The following AMPD2 variants were observed in gnomAD, a reference collection of about 807,000 sequenced individuals.
AMPD2 encodes adenosine monophosphate deaminase 2.
In AMPD2, 52 loss-of-function variants were observed where a neutral mutation model predicts 91.3. That is an observed-to-expected ratio of 0.57 (90% CI 0.46 to 0.72). The LOEUF is 0.72. AMPD2 is among the 30% of genes least tolerant of loss of function. The probability of loss-of-function intolerance (pLI) is 0.00; values close to 1 mark genes in which losing one functional copy is unlikely to be tolerated. For synonymous variants in AMPD2, 455 were observed against 456.4 expected (o/e 1.00, Z 0.04); for missense variants, 822 against 1,122.3 (o/e 0.73, Z 3.82).
rs1404251510 is a variant in AMPD2, at chr1:109,630,784, C to T, written c.2259C>T (p.Phe753=). The change falls in exon 18 of 19, where the codon TTC becomes TTT. Residue 753 remains phenylalanine (F), a synonymous_variant. Transcript: ENST00000528667. The stretch of plus-strand genomic sequence containing the variant: ...GCAACAGCGTGCTCATGAGCGGCTT[C>T]TCGCACAAGGTACTACAGCGCCTGC... ...LARNSVLMSG[F]SHKVKSHWLG... is the part of the protein sequence containing the mutation. The T allele has an allele frequency of 4.4e-6, 7 of 1,608,230 alleles. No individual in the cohort carries two copies. The highest frequency in any genetic ancestry group is 1.3e-5 in the African/African-American group (1 of 74,780).
chr1:109,621,420 AAGGT>A, intron 2 of AMPD2, 154 bp downstream of exon 2: 1 of 433,832 alleles, frequency 2.3e-6, no homozygotes, highest in Non-Finnish European at 4.6e-6. Context: ...GCCGGCTTGG[AAGGT>A]GGGGTGAGGG....
At position 109,631,901 on chromosome 1, in the gene AMPD2, G is replaced by A. The variant is rs1203108721; in HGVS notation, c.*749G>A. On this transcript the variant is annotated 3_prime_UTR_variant, in exon 19 of 19. Transcript: ENST00000528667. ...GATCTGCCACTCAACCCCGGGAGTG[G>A]TGTTCCCAGTGTGGCTCCCAGAGCT... The A allele has an allele frequency of 6.5e-6, 1 of 153,738 alleles. No individual in the cohort carries two copies. The highest frequency in any genetic ancestry group is 1.4e-5 in the Non-Finnish European group (1 of 68,990). 9.5% of individuals were successfully genotyped at this position (153,738 alleles called of 1,614,324 possible). A position where few individuals can be genotyped will look rare whatever the true frequency, so the allele number is the denominator to read the frequency against.
At chr1:109,630,470 G>A in intron 17 of AMPD2, 64 bp downstream of exon 17, 1 of 1,251,510 alleles carries the variant, frequency 8.0e-7, no homozygotes, top group Non-Finnish European at 1.1e-6. Context: ...CCCGGGTTGG[G>A]TGGGGGGCGG....
intron 9 of AMPD2, 89 bp from the exon 10 acceptor site, chr1:109,627,685 C>T: frequency 6.4e-7 from 1 of 1,568,084 alleles, no homozygotes; most frequent in Admixed American, 1.7e-5. Context: ...CCTTACCCTC[C>T]CACCTGCTCC....
chr1:109,620,999 G>A lies in AMPD2; in HGVS notation c.-177G>A. 2 of 1,565,634 alleles carry A rather than the reference G, an allele frequency of 1.3e-6. No individual in the cohort carries two copies. The highest frequency in any genetic ancestry group is 8.7e-7 in the Non-Finnish European group (1 of 1,154,556). On this transcript the variant is annotated 5_prime_UTR_variant, in exon 2 of 19. Transcript: ENST00000528667. ...CAGAGATGGAGGCCCCACTCCCCGA[G>A]GTTGCCTAGACAACATGAGAAATCG...
At position 109,625,852 on chromosome 1, in the gene AMPD2, C is replaced by T; in HGVS notation, c.353+60C>T. The T allele has an allele frequency of 6.2e-7, 1 of 1,601,496 alleles. No homozygotes were observed. The highest frequency in any genetic ancestry group is 1.7e-5 in the Admixed American group (1 of 59,380). The stretch of plus-strand genomic sequence containing the variant: ...ATACCCTTCCAGACCCTTTCAGAGC[C>T]CCTTTTCTGCCTCTTTCCCTCGCAC... On this transcript the variant is annotated intron_variant, in intron 4 of 18. Coordinates refer to ENST00000528667, the MANE Select transcript of AMPD2 (RefSeq NM_001368809.2). This position sits in a 1 kb window ranked among gnomAD's most constrained non-coding sequence, Gnocchi z 4.0.
intron 1 of AMPD2, chr1:109,620,687 G>C: frequency 4.1e-6 from 5 of 1,209,616 alleles, no homozygotes; most frequent in Non-Finnish European, 5.2e-6. Flanking sequence ...TGCCTGCCCT[G>C]CCCCGGGAGG....
Position 109,629,109 on chromosome 1 carries a change from T to C in AMPD2, c.1572T>C (p.Phe524=). ...VRWLVQVPRL[F]DVYRTKGQLA... is the part of the protein sequence containing the mutation. ...TACCTGCATGTTGTCTCACCTGCAG[T>C]GATGTGTACCGTACCAAGGGCCAGC... The change falls in exon 14 of 19, where the codon TTT becomes TTC. Residue 524 remains phenylalanine, a splice_region_variant and synonymous_variant. Coordinates refer to ENST00000528667, the MANE Select transcript of AMPD2 (RefSeq NM_001368809.2). The C allele has an allele frequency of 6.2e-7, 1 of 1,613,694 alleles. No homozygotes were observed.
At chr1:109,629,589 C>T (rs1362793786) in intron 15 of AMPD2, 99 bp downstream of exon 15, 1 of 1,510,538 alleles carries the variant, frequency 6.6e-7, no homozygotes, top group Non-Finnish European at 9.0e-7. Flanking sequence ...TCTGACCCAC[C>T]TGTTGCCTGG....
intron 2 of AMPD2, chr1:109,622,387 G>A (rs1570577600): frequency 2.3e-6 from 1 of 439,530 alleles, no homozygotes; most frequent in South Asian, 1.6e-5. Context: ...GGTCAAAGCC[G>A]TGGACACCCC....
Position 109,626,435 on chromosome 1 carries a change from T to C in AMPD2, c.531+8T>C. ...GGGGAGGAGAAGTGTGGGGTAAGTA[T>C]GGGGTGTATGTTGGGTGAGTCGCCA... On this transcript the variant is annotated splice_region_variant and intron_variant, in intron 6 of 18. Coordinates refer to ENST00000528667, the MANE Select transcript of AMPD2 (RefSeq NM_001368809.2). 3 of 1,601,532 alleles carry C rather than the reference T, an allele frequency of 1.9e-6. No homozygotes were observed. In the African/African-American group the frequency reaches 4.0e-5, roughly 22 times the overall value.
intron 2 of AMPD2, 165 bp downstream of exon 2, chr1:109,621,431 A>AGGGGGGG: frequency 1.8e-5 from 2 of 113,360 alleles, no homozygotes. Flanking sequence ...AGGTGGGGTG[A>AGGGGGGG]GGGGTGGTGG....
chr1:109,630,586 G>A, intron 17 of AMPD2, 97 bp from the exon 18 acceptor site: 1 of 789,748 alleles, frequency 1.3e-6, no homozygotes, highest in Non-Finnish European at 1.9e-6. Context: ...GGGGGGATGG[G>A]GGGGCGGGGG....
chr1:109,627,931 A>G (rs760424230), intron 10 of AMPD2, 28 bp downstream of exon 10: 10 of 1,611,956 alleles, frequency 6.2e-6, no homozygotes, highest in Non-Finnish European at 8.5e-6. Flanking sequence ...GGCCGTCTCC[A>G]TGTCCTCATC....
At position 109,630,810 on chromosome 1, in the gene AMPD2, C is replaced by G. The variant is rs1489421329; in HGVS notation, c.2268+17C>G. 6.2e-7 allele frequency: 1 copy of G among 1,600,290 alleles called. No homozygotes were observed. Among genetic ancestry groups the G allele is most frequent in the African/African-American group, 1.3e-5 (1 of 74,604 alleles). On this transcript the variant is annotated intron_variant, in intron 18 of 18. Transcript: ENST00000528667. ...TCGCACAAGGTACTACAGCGCCTGC[C>G]TGGACCTTGGCATGGCATCACTCCT...
Position 109,630,760 on chromosome 1 carries a change from C to T in AMPD2, c.2235C>T (p.Arg745=), listed in dbSNP as rs576752906. 2 of 1,611,340 alleles carry T rather than the reference C, an allele frequency of 1.2e-6. No homozygotes were observed. The highest frequency in any genetic ancestry group is 2.2e-5 in the East Asian group (1 of 44,754). The part of the protein sequence containing the change: ...LSSCDMCELA[R]NSVLMSGFSH... ...CCTGCGATATGTGTGAGCTGGCCCG[C>T]AACAGCGTGCTCATGAGCGGCTTCT... The change falls in exon 18 of 19, where the codon CGC becomes CGT. Residue 745 remains arginine, a synonymous_variant. Transcript: ENST00000528667.
chr1:109,626,238 G>T lies in AMPD2; in HGVS notation c.422+10G>T. ...GTGACTCGGACCTACAGTGAGGAGG[G>T]CAGAGGGGCACAGGGGATGCGGAGC... On this transcript the variant is annotated intron_variant, in intron 5 of 18. Transcript: ENST00000528667. 1.9e-6 allele frequency: 3 copies of T among 1,614,126 alleles called. No individual in the cohort carries two copies. Among genetic ancestry groups the T allele is most frequent in the Non-Finnish European group, 2.5e-6 (3 of 1,180,008 alleles).
rs957527323 is a variant in AMPD2 at position 109,630,926 on chromosome 1, AC to A, written c.2269-12del. On this transcript the variant is annotated splice_polypyrimidine_tract_variant and intron_variant, in intron 18 of 18. Coordinates refer to ENST00000528667, the MANE Select transcript of AMPD2 (RefSeq NM_001368809.2). ...AGCACTGGCTGCAGCCCTGCCCATT[AC>A]CCCCGCTCCTTGCAGGTAAAGAGCC... 1 of 1,613,110 alleles carries A rather than the reference AC, an allele frequency of 6.2e-7. No individual in the cohort carries two copies. The highest frequency in any genetic ancestry group is 1.3e-5 in the African/African-American group (1 of 74,820).
At chr1:109,620,805 CG>C in intron 1 of AMPD2, 108 bp from the exon 2 acceptor site, 1 of 1,327,542 alleles carries the variant, frequency 7.5e-7, no homozygotes, top group Non-Finnish European at 9.7e-7. Flanking sequence ...CTTCTTTGCC[CG>C]GGAGCCCTGG....
Sources: gnomAD v4.1 joint callset for allele counts on GRCh38, gnomAD v4.1.1 for gene constraint, Gnocchi (gnomAD v3.1) non-coding constraint, MANE v1.5 for transcripts, NCBI Gene and HGNC (gene_info 2026-07-23, HGNC 2026-07-21) for gene names.